SORBS2: variants seen among roughly 807,000 people sequenced by gnomAD.
The protein encoded by SORBS2 is sorbin and SH3 domain-containing protein 2.
Under a neutral mutation model 97.7 loss-of-function variants are expected in SORBS2, and 46 were observed. That is an observed-to-expected ratio of 0.47 (90% confidence interval 0.37 to 0.60). The LOEUF (loss-of-function observed/expected upper bound fraction) is 0.60. Ranked by LOEUF, SORBS2 falls within the 20% of genes least tolerant of loss-of-function variation. The pLI is 0.00. For missense variants in SORBS2, 1,316 were observed against 1,282.3 expected, an observed-to-expected ratio of 1.03 and a Z score of -0.40; for synonymous variants, 476 against 473.4, an observed-to-expected ratio of 1.01 and a Z score of -0.07.
chr4:185,788,159 C>A (rs951556224), intron 1 of SORBS2, among the ~76,000 whole-genome samples: 1 of 152,232 alleles, frequency 6.6e-6, no homozygotes, highest in Non-Finnish European at 1.5e-5. Context: ...AGACTTGCTA[C>A]TCAAACCCCT....
intron 2 of SORBS2, among the ~76,000 whole-genome samples, chr4:185,739,592 T>A (rs1438444501): frequency 2.0e-5 from 3 of 152,214 alleles, no homozygotes; most frequent in Non-Finnish European, 2.9e-5. Context: ...TTGAGGTGTG[T>A]GTTCAGGATG....
At position 185,925,969 on chromosome 4, in the gene SORBS2, G is replaced by C. The variant is rs1404096836; in HGVS notation, c.-338+30227C>G. On this transcript the variant is annotated intron_variant, in intron 1 of 20. Transcript: ENST00000284776. The stretch of plus-strand genomic sequence containing the variant: ...AGAAGGCAATTTCTTTGATGGAAGG[G>C]AGGAGCGCTGTGTGGGAGCGAAGGA... 2.6e-5 allele frequency among the ~76,000 whole-genome samples: 4 copies of C among 152,324 alleles called. No individual in the cohort carries two copies. The South Asian group carries it at 6.2e-4, about 24-fold the overall frequency.
At chr4:185,757,049 C>G in intron 2 of SORBS2, 1 of 784,968 alleles carries the variant, frequency 1.3e-6, no homozygotes, top group South Asian at 1.4e-5. Context: ...TGATGAACTT[C>G]GCAGGCTTCC....
chr4:185,784,381 C>T (rs896390462), intron 1 of SORBS2, among the ~76,000 whole-genome samples: 20 of 152,300 alleles, frequency 1.3e-4, no homozygotes, highest in Admixed American at 4.6e-4. Flanking sequence ...CCGCCCACCT[C>T]GGCCTCCCAA....
chr4:185,666,276 G>C (rs2097596835), intron 4 of SORBS2: 1 of 781,532 alleles, frequency 1.3e-6, no homozygotes, highest in Non-Finnish European at 1.9e-6. Flanking sequence ...TTGCGATGTG[G>C]CAGAGAAGGC....
intron 1 of SORBS2, among the ~76,000 whole-genome samples, chr4:185,908,290 T>TATATATATTTGTATACACACAA (rs2099252387): frequency 2.0e-5 from 1 of 49,248 alleles, no homozygotes; most frequent in South Asian, 6.0e-4. Flanking sequence ...TATATATATA[T>TATATATATTTGTATACACACAA]ATATATATAT....
intron 1 of SORBS2, among the ~76,000 whole-genome samples, chr4:185,890,085 C>A (rs2099241684): frequency 6.6e-6 from 1 of 152,142 alleles, no homozygotes; most frequent in Admixed American, 6.5e-5. Context: ...TAGGGTTTTG[C>A]CATGTTGGCC....
At chr4:185,854,785 AAGAG>A (rs10560938) in intron 1 of SORBS2, among the ~76,000 whole-genome samples, 128,409 of 149,780 alleles carry the variant, frequency 0.86, 55,127 homozygotes, top group East Asian at 0.95. Flanking sequence ...AGAAATAGAG[AAGAG>A]AGAGAGAGAG....
At chr4:185,604,372 T>A (rs931057225) in intron 12 of SORBS2, among the ~76,000 whole-genome samples, 2 of 152,132 alleles carry the variant, frequency 1.3e-5, no homozygotes, top group Non-Finnish European at 2.9e-5. Context: ...GATCTCCTGT[T>A]GATAAGAATA....
At chr4:185,878,846 G>A (rs1049708944) in intron 1 of SORBS2, among the ~76,000 whole-genome samples, 14 of 152,054 alleles carry the variant, frequency 9.2e-5, no homozygotes, top group Non-Finnish European at 5.9e-5. Context: ...TCCCAGCAGC[G>A]TCCCCGTCCA....
chr4:185,884,866 T>C (rs1157192615), intron 1 of SORBS2, among the ~76,000 whole-genome samples: 1 of 152,244 alleles, frequency 6.6e-6, no homozygotes, highest in African/African-American at 2.4e-5. Flanking sequence ...GAGAATTTAC[T>C]ACATACTTTA....
At chr4:185,849,581 C>G (rs1437177621) in intron 1 of SORBS2, among the ~76,000 whole-genome samples, 1 of 151,798 alleles carries the variant, frequency 6.6e-6, no homozygotes, top group African/African-American at 2.4e-5. Context: ...TCTGCCTAAA[C>G]CCTGTCCTGT....
intron 1 of SORBS2, among the ~76,000 whole-genome samples, chr4:185,928,893 T>C (rs1454641194): frequency 6.6e-6 from 1 of 152,148 alleles, no homozygotes; most frequent in Admixed American, 6.5e-5. Flanking sequence ...GCAGGTATCT[T>C]CAAAGTCTAA....
At chr4:185,674,249 C>T (rs1035052523) in intron 4 of SORBS2, among the ~76,000 whole-genome samples, 5 of 152,228 alleles carry the variant, frequency 3.3e-5, no homozygotes, top group Non-Finnish European at 7.3e-5. Flanking sequence ...GTTCCACCCA[C>T]AGCTGTCCAG....
intron 4 of SORBS2, among the ~76,000 whole-genome samples, chr4:185,631,762 C>CAA (rs140469117): frequency 8.7e-5 from 13 of 149,558 alleles, no homozygotes; most frequent in Admixed American, 2.0e-4. Context: ...AACCCCATCT[C>CAA]AAAAAAACAA....
intron 2 of SORBS2, among the ~76,000 whole-genome samples, chr4:185,752,741 T>C (rs1275184640): frequency 6.6e-6 from 1 of 152,200 alleles, no homozygotes; most frequent in South Asian, 2.1e-4. Flanking sequence ...TTAAAGAAGA[T>C]TGAAAGAAGC....
intron 2 of SORBS2, among the ~76,000 whole-genome samples, chr4:185,701,641 G>C (rs1031263159): frequency 1.3e-5 from 2 of 152,182 alleles, no homozygotes; most frequent in Non-Finnish European, 2.9e-5. Flanking sequence ...CATAGAAAAT[G>C]TTAACATGAA....
intron 1 of SORBS2, chr4:185,810,817 C>T (rs1279267853): frequency 2.6e-5 from 4 of 152,192 alleles, no homozygotes; most frequent in Admixed American, 2.6e-4. Flanking sequence ...CAAACATTTG[C>T]TGCAAGTATG....
chr4:185,659,043 T>A (rs139709542), upstream of SORBS2, among the ~76,000 whole-genome samples: 214 of 152,206 alleles, frequency 1.4e-3, 2 homozygotes, highest in African/African-American at 4.9e-3. Context: ...CTCATCAATA[T>A]AAGGGTAATT....
Sources: allele counts gnomAD v4.1 joint callset (sites outside exome capture counted in the v4.1 genomes callset), GRCh38; gene constraint gnomAD v4.1.1; transcripts MANE v1.5; gene names NCBI Gene and HGNC (gene_info 2026-07-23, HGNC 2026-07-21).